Variants in RNF24 observed in about 807,000 individuals in gnomAD.
The protein encoded by RNF24 is ring finger protein 24.
Under a neutral mutation model 20.0 loss-of-function variants are expected in RNF24, and 14 were observed. The observed-to-expected ratio is 0.70, with a 90% CI of 0.46 to 1.10. The LOEUF (loss-of-function observed/expected upper bound fraction) is 1.10, where lower values mean the gene tolerates loss of function less well. RNF24 is among the 50% of genes least tolerant of loss of function. The pLI is 0.00. For missense variants in RNF24, 124 were observed against 177.6 expected, an observed-to-expected ratio of 0.70 and a Z score of 1.71; for synonymous variants, 45 against 61.1, an observed-to-expected ratio of 0.74 and a Z score of 1.23.
chr20:3,948,046 C>CAAAAAAAAA (rs368947234), intron 3 of RNF24, among the ~76,000 whole-genome samples, 191 bp downstream of exon 3: 1 of 92,338 alleles, frequency 1.1e-5, no homozygotes. Flanking sequence ...AACTCCGTCT[C>CAAAAAAAAA]AAAAAAAAAA....
At chr20:3,966,133 C>CAAAAA (rs574975352) in intron 1 of RNF24, among the ~76,000 whole-genome samples, 3 of 81,468 alleles carry the variant, frequency 3.7e-5, no homozygotes, top group African/African-American at 1.5e-4. Flanking sequence ...GATTCCATCT[C>CAAAAA]AAAAAAAAAA....
intron 2 of RNF24, among the ~76,000 whole-genome samples, chr20:3,960,697 C>T (rs902096194): frequency 2.0e-5 from 3 of 152,046 alleles, no homozygotes; most frequent in Admixed American, 6.6e-5. Flanking sequence ...AAAAAACAAT[C>T]GTACCAATGA....
intron 1 of RNF24, among the ~76,000 whole-genome samples, chr20:3,984,445 G>C (rs1223875040): frequency 1.3e-5 from 2 of 152,114 alleles, no homozygotes; most frequent in African/African-American, 2.4e-5. Flanking sequence ...GAGAGGTTTT[G>C]AGCCTCAGCA....
chr20:3,999,862 A>T (rs576428277), intron 1 of RNF24, among the ~76,000 whole-genome samples: 1 of 152,322 alleles, frequency 6.6e-6, no homozygotes, highest in African/African-American at 2.4e-5. Context: ...AAGAACATGG[A>T]TGAACCTTGA....
In RNF24 at chr20:3,932,621, T is replaced by G; in HGVS notation, c.*1442A>C. 1 of 276,682 alleles carries G rather than the reference T, an allele frequency of 3.6e-6. No individual in the cohort carries two copies. Among genetic ancestry groups the G allele is most frequent in the Non-Finnish European group, 6.7e-6 (1 of 149,936 alleles). 17.1% of individuals were successfully genotyped at this position (276,682 alleles called of 1,614,324 possible). On this transcript the variant is annotated 3_prime_UTR_variant, in exon 6 of 6. Transcript: ENST00000358395. The stretch of plus-strand genomic sequence containing the variant: ...AGAGTAGCAAAGCTCCCTCCATCCA[T>G]TCTCCATGTCACGCAGACTGTATTC...
At chr20:3,951,839 G>A (rs1483172044) in intron 2 of RNF24, among the ~76,000 whole-genome samples, 2 of 152,110 alleles carry the variant, frequency 1.3e-5, no homozygotes, top group Non-Finnish European at 2.9e-5. Flanking sequence ...CTTTCAACAA[G>A]CCCCCATCCT....
chr20:3,976,560 A>G (rs1038142558), intron 1 of RNF24, among the ~76,000 whole-genome samples: 2 of 152,366 alleles, frequency 1.3e-5, no homozygotes, highest in Non-Finnish European at 2.9e-5. Flanking sequence ...CTATGTTCAC[A>G]TACAAACCTC....
intron 1 of RNF24, among the ~76,000 whole-genome samples, chr20:3,982,819 G>A (rs76512551): frequency 0.032 from 4,840 of 152,168 alleles, 260 homozygotes; most frequent in African/African-American, 0.11. Context: ...GGCCCGGGAA[G>A]TCAAGGCTGC....
At chr20:3,968,905 C>CA (rs374426076) in intron 1 of RNF24, among the ~76,000 whole-genome samples, 64 of 141,324 alleles carry the variant, frequency 4.5e-4, no homozygotes, top group South Asian at 1.8e-3. Flanking sequence ...GATAAGTTTC[C>CA]AAAAAAAAAA....
rs1980638477 is a variant in RNF24 at position 3,993,673 on chromosome 20, G to GCT, written c.-8+21763_-8+21764insAG. Among the ~76,000 whole-genome samples the GCT allele has an allele frequency of 3.3e-5, 5 of 152,284 alleles. No individual in the cohort carries two copies. In the South Asian group the frequency reaches 1.0e-3, roughly 32 times the overall value. On this transcript the variant is annotated intron_variant, in intron 1 of 5. Transcript: ENST00000358395. ...GATAAGCCTGGACTGCACTGGTAGG[G>GCT]TTAGAATGGATACACAAGTAAAAAC...
At chr20:3,951,159 G>A (rs1325572195) in intron 2 of RNF24, among the ~76,000 whole-genome samples, 2 of 152,048 alleles carry the variant, frequency 1.3e-5, no homozygotes, top group South Asian at 2.1e-4. Context: ...GGATTTCACC[G>A]TGTTAGCCAG....
chr20:3,983,926 G>C (rs1164349245), intron 1 of RNF24, among the ~76,000 whole-genome samples: 12 of 126,072 alleles, frequency 9.5e-5, no homozygotes, highest in Admixed American at 8.7e-4. Context: ...GGGTGACAGA[G>C]TGAGACTTGG....
At chr20:3,955,998 A>T (rs1034098058) in intron 2 of RNF24, among the ~76,000 whole-genome samples, 5 of 152,088 alleles carry the variant, frequency 3.3e-5, no homozygotes, top group Admixed American at 6.6e-5. Context: ...AAGTTTGCTG[A>T]ATTTATTAGT....
intron 1 of RNF24, among the ~76,000 whole-genome samples, chr20:3,982,173 G>T (rs563545514): frequency 6.7e-6 from 1 of 150,264 alleles, no homozygotes; most frequent in Admixed American, 6.7e-5. Flanking sequence ...GAAGTTAATT[G>T]AAAGTACATT....
Position 3,929,941 on chromosome 20 carries a change from T to C in RNF24, c.*4122A>G, listed in dbSNP as rs1426138727. ...AATTCTGGGTTCACATTTTGTATTC[T>C]GATTTCTGGGATGGCTCTTCCCACA... On this transcript the variant is annotated 3_prime_UTR_variant, in exon 6 of 6. Transcript: ENST00000358395. The C allele has an allele frequency of 1.3e-5, 2 of 152,268 alleles. No individual in the cohort carries two copies. The highest frequency in any genetic ancestry group is 1.5e-5 in the Non-Finnish European group (1 of 68,050). The allele number at this position is 152,268 out of a possible 1,614,324, so 9.4% of individuals were successfully genotyped here.
intron 1 of RNF24, among the ~76,000 whole-genome samples, chr20:4,008,533 T>A (rs1223719343): frequency 5.2e-5 from 6 of 116,342 alleles, no homozygotes; most frequent in Middle Eastern, 3.8e-3. Context: ...TATATATTAT[T>A]TATATATATT....
At chr20:3,960,876 C>T (rs2091194202) in intron 2 of RNF24, among the ~76,000 whole-genome samples, 1 of 151,810 alleles carries the variant, frequency 6.6e-6, no homozygotes, top group South Asian at 2.1e-4. Flanking sequence ...TCAATGCAAC[C>T]TCTGCCTCCA....
intron 1 of RNF24, among the ~76,000 whole-genome samples, chr20:4,011,034 A>G (rs1354506978): frequency 6.6e-6 from 1 of 152,174 alleles, no homozygotes; most frequent in Non-Finnish European, 1.5e-5. Flanking sequence ...GGAAAATACA[A>G]TCTACCCCAC....
chr20:4,010,193 T>C (rs1020654765), intron 1 of RNF24, among the ~76,000 whole-genome samples: 2 of 151,308 alleles, frequency 1.3e-5, no homozygotes, highest in Non-Finnish European at 2.9e-5. Flanking sequence ...ACCAACATAG[T>C]GAAACCCCGT....
Sources: gnomAD v4.1 joint callset for allele counts (sites outside exome capture counted in the v4.1 genomes callset) on GRCh38, gnomAD v4.1.1 for gene constraint, MANE v1.5 for transcripts, NCBI Gene and HGNC (gene_info 2026-07-23, HGNC 2026-07-21) for gene names.